The following GUCY2D variants were observed in gnomAD, a reference collection of about 807,000 sequenced individuals.
GUCY2D encodes guanylate cyclase 2D, retinal, also known as retinal guanylyl cyclase 1.
In GUCY2D, 70 loss-of-function variants were observed where a neutral mutation model predicts 101.3. The observed-to-expected ratio is 0.69, with a 90% CI of 0.57 to 0.84. GUCY2D has a LOEUF of 0.84. GUCY2D is among the 40% of genes least tolerant of loss of function. The pLI is 0.00. For missense variants in GUCY2D, 1,460 were observed against 1,542.5 expected (o/e 0.95, Z 0.90); for synonymous variants, 688 against 670.7 (o/e 1.03, Z -0.40).
chr17:8,003,935 AC>A lies in GUCY2D; in HGVS notation c.807del (p.Asp270MetfsTer125). The A allele has an allele frequency of 6.2e-7, 1 of 1,613,616 alleles. No individual in the cohort carries two copies. The highest frequency in any genetic ancestry group is 2.2e-5 in the East Asian group (1 of 44,866). ...LLEAAEELGL[T>X]DGSLVFLPFD... Reference sequence around the variant, plus strand: ...GGAGGCCGCAGAGGAGCTGGGCCTGACCGATGGCTCCCTGGTCTTCCTGCCC... The same window carrying A: ...GGAGGCCGCAGAGGAGCTGGGCCTGACGATGGCTCCCTGGTCTTCCTGCCC... On this transcript the variant is annotated frameshift_variant, in exon 3 of 20. Coordinates refer to ENST00000254854, the MANE Select transcript of GUCY2D (RefSeq NM_000180.4). LOFTEE classifies it high-confidence loss of function.
chr17:8,003,272 G>A lies in GUCY2D; in HGVS notation c.225G>A (p.Leu75=). 1 of 1,498,918 alleles carries A rather than the reference G, an allele frequency of 6.7e-7. No homozygotes were observed. Among genetic ancestry groups the A allele is most frequent in the East Asian group, 2.8e-5 (1 of 35,966 alleles). The allele number at this position is 1,498,918 out of a possible 1,614,324, so 92.9% of individuals were successfully genotyped here. A position where few individuals can be genotyped will look rare whatever the true frequency, so the allele number is the denominator to read the frequency against. The part of the protein sequence containing the change: ...DPIFSRARPD[L]AARLAAARLN... ...TCTTCTCTCGGGCTCGCCCGGACCTGGCCGCCCGCCTGGCCGCCGCCCGCC... is the reference window on the plus strand; with the variant it reads ...TCTTCTCTCGGGCTCGCCCGGACCTAGCCGCCCGCCTGGCCGCCGCCCGCC... Residue 75 remains leucine (L), a synonymous_variant, in exon 2 of 20, where the codon CTG becomes CTA. Coordinates refer to ENST00000254854, the MANE Select transcript of GUCY2D (RefSeq NM_000180.4).
intron 18 of GUCY2D, 26 bp downstream of exon 18, chr17:8,016,316 G>A (rs779602583): frequency 6.6e-7 from 1 of 1,526,300 alleles, no homozygotes; most frequent in South Asian, 1.2e-5. Context: ...CCGCGGCAGG[G>A]CGAGGGACGA....
intron 7 of GUCY2D, among the ~76,000 whole-genome samples, chr17:8,008,897 A>G (rs1172692492): frequency 1.3e-5 from 2 of 152,224 alleles, no homozygotes; most frequent in Non-Finnish European, 2.9e-5. Flanking sequence ...CAAATCCCTT[A>G]TAAACAAGAC....
Position 8,008,052 on chromosome 17 carries a change from G to A in GUCY2D, c.1668+20G>A. 2 of 1,437,920 alleles carry A rather than the reference G, an allele frequency of 1.4e-6. No individual in the cohort carries two copies. Among genetic ancestry groups the A allele is most frequent in the Non-Finnish European group, 2.0e-6 (2 of 1,020,936 alleles). The allele number at this position is 1,437,920 out of a possible 1,614,324, so 89.1% of individuals were successfully genotyped here. A position where few individuals can be genotyped will look rare whatever the true frequency, so the allele number is the denominator to read the frequency against. On this transcript the variant is annotated intron_variant, in intron 7 of 19. Transcript: ENST00000254854. The stretch of plus-strand genomic sequence containing the variant: ...TATGAGGTGAGCCTGACCCCAGCCA[G>A]ACAGAGAGACAGTGGGGGAAGAATG...
Position 8,014,172 on chromosome 17 carries a change from G to A in GUCY2D, c.2412+144G>A. 1.3e-6 allele frequency: 1 copy of A among 763,484 alleles called. No homozygotes were observed. The highest frequency in any genetic ancestry group is 2.3e-6 in the Non-Finnish European group (1 of 439,442). 47.3% of individuals were successfully genotyped at this position (763,484 alleles called of 1,614,324 possible). ...TCCTAAGGAGTAGCCTGAAGACTCG[G>A]AGTTTGGGGGCAGAATTGGAATGGG... On this transcript the variant is annotated intron_variant, in intron 12 of 19. Coordinates refer to ENST00000254854, the MANE Select transcript of GUCY2D (RefSeq NM_000180.4). The surrounding 1 kb of genome is among the most constrained non-coding windows in gnomAD (Gnocchi z 4.0).
rs1367684269 is a variant in GUCY2D at position 8,016,570 on chromosome 17, C to T, written c.*24+16C>T. ...CCCCGGACAGGTACTGCCCCCTCAGCCCCAACCCCAGCTGCCGCGTCCCCT... is the reference window on the plus strand; with the variant it reads ...CCCCGGACAGGTACTGCCCCCTCAGTCCCAACCCCAGCTGCCGCGTCCCCT... On this transcript the variant is annotated intron_variant, in intron 19 of 19. Coordinates refer to ENST00000254854, the MANE Select transcript of GUCY2D (RefSeq NM_000180.4). 7 of 1,285,810 alleles carry T rather than the reference C, an allele frequency of 5.4e-6. No individual in the cohort carries two copies. The highest frequency in any genetic ancestry group is 7.7e-6 in the Non-Finnish European group (7 of 913,066). 79.7% of individuals were successfully genotyped at this position (1,285,810 alleles called of 1,614,324 possible). A position where few individuals can be genotyped will look rare whatever the true frequency, so the allele number is the denominator to read the frequency against.
At chr17:8,018,412 T>G (rs191165076) in intron 19 of GUCY2D, among the ~76,000 whole-genome samples, 1 of 152,278 alleles carries the variant, frequency 6.6e-6, no homozygotes, top group Admixed American at 6.5e-5. Context: ...ACACGCTCAT[T>G]AAAGTTTCTG....
rs1309932259 is a variant in GUCY2D, at chr17:8,006,846, G to A, written c.1378+132G>A. Reference sequence around the variant, plus strand: ...TAGGCCCTCTCCCAGCCTCTGGCTTGCACAGGACCCCTCTCTTGCTGAGCT... The same window carrying A: ...TAGGCCCTCTCCCAGCCTCTGGCTTACACAGGACCCCTCTCTTGCTGAGCT... On this transcript the variant is annotated intron_variant, in intron 4 of 19. Coordinates refer to ENST00000254854, the MANE Select transcript of GUCY2D (RefSeq NM_000180.4). The A allele has an allele frequency of 3.3e-6, 3 of 911,214 alleles. No homozygotes were observed. The Admixed American group carries it at 6.0e-5, about 18-fold the overall frequency. 56.4% of individuals were successfully genotyped at this position (911,214 alleles called of 1,614,324 possible).
In GUCY2D at chr17:8,003,915, C is replaced by T; in HGVS notation, c.785C>T (p.Ala262Val). 1 of 1,613,586 alleles carries T rather than the reference C, an allele frequency of 6.2e-7. No individual in the cohort carries two copies. Among genetic ancestry groups the T allele is most frequent in the Non-Finnish European group, 8.5e-7 (1 of 1,179,862 alleles). Residue 262 changes from alanine to valine, a missense_variant, in exon 3 of 20, where the codon GCC becomes GTC. Physicochemically the swap from Ala to Val is moderately conservative, Grantham distance 64. Around this residue, in one of 3 missense-constraint regions of GUCY2D, gnomAD observed 1,196 missense variants for 1,229.6 expected, o/e 0.97. Transcript: ENST00000254854. Reference protein sequence around the residue: ...GGEEQRYLLEAAEELGLTDGS... With the variant: ...GGEEQRYLLEVAEELGLTDGS... ...GAGGAGCAGCGCTACCTCCTGGAGGCCGCAGAGGAGCTGGGCCTGACCGAT... is the reference window on the plus strand; with the variant it reads ...GAGGAGCAGCGCTACCTCCTGGAGGTCGCAGAGGAGCTGGGCCTGACCGAT...
At chr17:8,016,159 C>A in intron 17 of GUCY2D, 46 bp from the exon 18 acceptor site, 1 of 1,391,550 alleles carries the variant, frequency 7.2e-7, no homozygotes. Context: ...TCCCCCACCC[C>A]TCACCCCAGT....
intron 8 of GUCY2D, among the ~76,000 whole-genome samples, chr17:8,009,998 AAC>A: frequency 6.6e-6 from 1 of 152,068 alleles, no homozygotes; most frequent in South Asian, 2.1e-4. Context: ...GAAAAAAAAA[AAC>A]ATGTTTCCTC....
In GUCY2D at chr17:8,014,374, C is replaced by T; in HGVS notation, c.2413-227C>T. The T allele has an allele frequency of 6.4e-6, 4 of 622,548 alleles. No homozygotes were observed. Among genetic ancestry groups the T allele is most frequent in the Non-Finnish European group, 1.2e-5 (4 of 346,588 alleles). 38.6% of individuals were successfully genotyped at this position (622,548 alleles called of 1,614,324 possible). ...GCTCCAGTGCCCTGTCAATTACTAG[C>T]TGAGATCAACTGACCTCTGGGAACC... On this transcript the variant is annotated intron_variant, in intron 12 of 19. Transcript: ENST00000254854. This position sits in a 1 kb window ranked among gnomAD's most constrained non-coding sequence, Gnocchi z 4.0.
chr17:8,007,578 G>C (rs1435407629), intron 6 of GUCY2D, 50 bp downstream of exon 6: 1 of 1,255,672 alleles, frequency 8.0e-7, no homozygotes, highest in Non-Finnish European at 1.2e-6. Flanking sequence ...CCGTAAATTT[G>C]GTTCCTTCCC....
intron 6 of GUCY2D, 113 bp from the exon 7 acceptor site, chr17:8,007,818 A>G: frequency 2.7e-6 from 2 of 733,076 alleles, no homozygotes; most frequent in South Asian, 1.5e-5. Flanking sequence ...ACCTTCCCTC[A>G]TTGAGATTCC....
intron 5 of GUCY2D, 133 bp from the exon 6 acceptor site, chr17:8,007,293 G>A (rs1216168761): frequency 2.4e-5 from 21 of 892,320 alleles, no homozygotes; most frequent in Non-Finnish European, 3.8e-5. Flanking sequence ...AGTCCCAGGG[G>A]ATGTGTGCTT....
chr17:8,012,914 G>A (rs1157012541), intron 10 of GUCY2D, among the ~76,000 whole-genome samples, 189 bp from the exon 11 acceptor site: 1 of 152,200 alleles, frequency 6.6e-6, no homozygotes, highest in Admixed American at 6.5e-5. Context: ...CTTTTCTGAA[G>A]GGCAAGGCCT....
chr17:8,012,998 C>T (rs376615794), intron 10 of GUCY2D, 105 bp from the exon 11 acceptor site: 6 of 1,013,120 alleles, frequency 5.9e-6, no homozygotes, highest in Admixed American at 2.0e-5. Context: ...GGTCTCAGAC[C>T]GGTCTCAGGC....
chr17:8,018,082 G>T (rs1369760404), intron 19 of GUCY2D, among the ~76,000 whole-genome samples: 3 of 152,194 alleles, frequency 2.0e-5, no homozygotes, highest in Non-Finnish European at 4.4e-5. Flanking sequence ...CTGGGCCTTG[G>T]CACATTTGAC....
At position 8,012,314 on chromosome 17, in the gene GUCY2D, G is replaced by C. The variant is rs1420799791; in HGVS notation, c.1920G>C (p.Trp640Cys). The change falls in exon 9 of 20, where the codon TGG (tryptophan) becomes TGC (cysteine). Residue 640 changes from tryptophan (W) to cysteine (C), a missense_variant. Trp to Cys is a radical substitution (Grantham distance 215). Transcript: ENST00000254854. ...CTCAGAGAGAAATAAAGCTGGACTG[G>C]ATGTTCAAGTCCTCCCTCCTGCTGG... ...LLAQREIKLDWMFKSSLLLDL... is the reference protein window; with the variant it reads ...LLAQREIKLDCMFKSSLLLDL... 2 of 1,613,064 alleles carry C rather than the reference G, an allele frequency of 1.2e-6. No homozygotes were observed. Among genetic ancestry groups the C allele is most frequent in the African/African-American group, 2.7e-5 (2 of 74,834 alleles).
Sources: allele counts gnomAD v4.1 joint callset (sites outside exome capture counted in the v4.1 genomes callset), GRCh38; gene constraint gnomAD v4.1.1; regional missense constraint gnomAD v4.1.1; non-coding constraint Gnocchi (gnomAD v3.1); transcripts MANE v1.5; gene names NCBI Gene and HGNC (gene_info 2026-07-23, HGNC 2026-07-21).